Variants in USP54 observed in about 807,000 individuals in gnomAD.
USP54 encodes ubiquitin carboxyl-terminal hydrolase 54.
In USP54, 87 loss-of-function variants were observed where a neutral mutation model predicts 170.5. The ratio of observed to expected loss-of-function variants is 0.51; its 90% CI spans 0.43 to 0.61. USP54 has a LOEUF of 0.61. USP54 is among the 20% of genes least tolerant of loss of function. The pLI is 0.00. For missense variants in USP54, 1,786 were observed against 2,047.8 expected (o/e 0.87, Z 2.47); for synonymous variants, 655 against 742.8 (o/e 0.88, Z 1.92).
At chr10:73,587,578 C>T (rs1444074398) in intron 1 of USP54, among the ~76,000 whole-genome samples, 1 of 152,042 alleles carries the variant, frequency 6.6e-6, no homozygotes, top group Admixed American at 6.6e-5. Flanking sequence ...TCCTAGAGAA[C>T]ATTATGTGAA....
chr10:73,541,842 G>A, intron 7 of USP54, 104 bp from the exon 8 acceptor site: 1 of 1,134,458 alleles, frequency 8.8e-7, no homozygotes, highest in Non-Finnish European at 1.3e-6. Context: ...TTCTTCCTCT[G>A]CCCCCTATAC....
At chr10:73,555,515 A>G (rs1340715647) in intron 4 of USP54, among the ~76,000 whole-genome samples, 1 of 152,242 alleles carries the variant, frequency 6.6e-6, no homozygotes, top group African/African-American at 2.4e-5. Flanking sequence ...AGAGACACAG[A>G]TAAACAGTAA....
At chr10:73,622,865 C>T (rs978296108) in intron 1 of USP54, among the ~76,000 whole-genome samples, 5 of 151,768 alleles carry the variant, frequency 3.3e-5, no homozygotes, top group Non-Finnish European at 4.4e-5. Flanking sequence ...ATTCCTTAAA[C>T]CCAGGAGACT....
At chr10:73,599,027 C>T (rs549305215) in intron 1 of USP54, among the ~76,000 whole-genome samples, 25 of 152,166 alleles carry the variant, frequency 1.6e-4, no homozygotes, top group Admixed American at 4.6e-4. Flanking sequence ...TGCAGTGAGC[C>T]GAGATCACGC....
intron 23 of USP54, 93 bp downstream of exon 23, chr10:73,500,562 A>G: frequency 8.0e-7 from 1 of 1,244,338 alleles, no homozygotes; most frequent in Non-Finnish European, 1.1e-6. Flanking sequence ...ACCTTGGGAT[A>G]CCCCCCTCCC....
intron 1 of USP54, among the ~76,000 whole-genome samples, chr10:73,578,150 T>G (rs2076366993): frequency 6.6e-6 from 1 of 152,100 alleles, no homozygotes; most frequent in Non-Finnish European, 1.5e-5. Flanking sequence ...CAGTATTATG[T>G]AGGGTAAAGC....
chr10:73,624,198 ATT>A (rs1208558815), intron 1 of USP54, among the ~76,000 whole-genome samples: 1,951 of 102,084 alleles, frequency 0.019, 47 homozygotes, highest in African/African-American at 0.071. Flanking sequence ...ATATATATGT[ATT>A]TTTTTTTTTT....
rs138629089 is a variant in USP54, at chr10:73,562,976, T to C, written c.240+8445A>G. On this transcript the variant is annotated intron_variant, in intron 4 of 23. Coordinates refer to ENST00000687698, the MANE Select transcript of USP54 (RefSeq NM_001391956.1). ...ACTCAATTTTTTTTTCTTTTAGAGATAGACCCTATCTGTCACTCATGCTGG... is the reference window on the plus strand; with the variant it reads ...ACTCAATTTTTTTTTCTTTTAGAGACAGACCCTATCTGTCACTCATGCTGG... Among the ~76,000 whole-genome samples, 432 of 152,236 alleles carry C rather than the reference T, an allele frequency of 2.8e-3. 1 individual carries two copies. The highest frequency in any genetic ancestry group is 8.7e-3 in the African/African-American group (361 of 41,550).
intron 20 of USP54, among the ~76,000 whole-genome samples, chr10:73,514,948 G>T (rs189789442): frequency 6.6e-6 from 1 of 151,414 alleles, no homozygotes; most frequent in Non-Finnish European, 1.5e-5. Flanking sequence ...GCTGAGGCAG[G>T]AGAATCACTT....
intron 4 of USP54, among the ~76,000 whole-genome samples, chr10:73,560,884 C>T (rs562635587): frequency 2.0e-3 from 307 of 151,292 alleles, no homozygotes; most frequent in Middle Eastern, 6.8e-3. Context: ...GTGGGCAGAT[C>T]ACAAGGTCAG....
chr10:73,554,491 C>A (rs1050565875), intron 4 of USP54, among the ~76,000 whole-genome samples: 1 of 152,176 alleles, frequency 6.6e-6, no homozygotes, highest in Non-Finnish European at 1.5e-5. Flanking sequence ...GGAAAAGAGA[C>A]GTTCACTTGG....
At position 73,581,052 on chromosome 10, in the gene USP54, C is replaced by T. The variant is rs1380240092; in HGVS notation, c.-581-4691G>A. On this transcript the variant is annotated intron_variant, in intron 1 of 23. Coordinates refer to ENST00000687698, the MANE Select transcript of USP54 (RefSeq NM_001391956.1). ...TAACACCACATTTCTCAGAACACAT[C>T]CCTGTTGTTAAGCAAAACATGGCTG... 3.9e-5 allele frequency among the ~76,000 whole-genome samples: 6 copies of T among 152,186 alleles called. No individual in the cohort carries two copies. In the East Asian group the frequency reaches 1.2e-3, roughly 29 times the overall value.
At chr10:73,620,262 G>A (rs1240129431) in intron 1 of USP54, among the ~76,000 whole-genome samples, 4 of 148,630 alleles carry the variant, frequency 2.7e-5, no homozygotes, top group Non-Finnish European at 4.4e-5. Context: ...GTAGTGAGCC[G>A]AGATTGTGCC....
chr10:73,547,417 A>T (rs2068095770), intron 4 of USP54, among the ~76,000 whole-genome samples: 1 of 152,228 alleles, frequency 6.6e-6, no homozygotes, highest in Admixed American at 6.5e-5. Flanking sequence ...AAGAGCCTGC[A>T]TTGCCAAGAC....
At chr10:73,525,862 TC>T (rs1188830157) in intron 16 of USP54, among the ~76,000 whole-genome samples, 15 of 152,246 alleles carry the variant, frequency 9.9e-5, no homozygotes, top group African/African-American at 3.6e-4. Context: ...CTAAGAATTG[TC>T]AGTAACTATC....
At chr10:73,549,226 C>T (rs1225123115) in intron 4 of USP54, among the ~76,000 whole-genome samples, 1 of 152,156 alleles carries the variant, frequency 6.6e-6, no homozygotes, top group Non-Finnish European at 1.5e-5. Context: ...AAGTCACTCA[C>T]ATTCTTAGTG....
intron 18 of USP54, among the ~76,000 whole-genome samples, chr10:73,520,270 G>C (rs2061695972): frequency 6.6e-6 from 1 of 152,182 alleles, no homozygotes; most frequent in Non-Finnish European, 1.5e-5. Flanking sequence ...CCATCTTAGA[G>C]ATTGCCACTC....
At chr10:73,500,868 G>C (rs2057966944) in intron 22 of USP54, 30 bp from the exon 23 acceptor site, 1 of 1,584,970 alleles carries the variant, frequency 6.3e-7, no homozygotes, top group Non-Finnish European at 8.5e-7. Flanking sequence ...AAAAAACATA[G>C]AGATGAGGAT....
intron 9 of USP54, 62 bp downstream of exon 9, chr10:73,541,313 G>T: frequency 6.2e-7 from 1 of 1,604,008 alleles, no homozygotes; most frequent in Non-Finnish European, 8.5e-7. Context: ...AGTGCTCACT[G>T]CTCCTAAGCA....
Sources: gnomAD v4.1 joint callset for allele counts (sites outside exome capture counted in the v4.1 genomes callset) on GRCh38, gnomAD v4.1.1 for gene constraint, MANE v1.5 for transcripts, NCBI Gene and HGNC (gene_info 2026-07-23, HGNC 2026-07-21) for gene names.